Variants in AP1G1 observed in about 807,000 individuals in gnomAD.
AP1G1 encodes the protein adaptor related protein complex 1 subunit gamma 1.
AP1G1 carries 7 observed loss-of-function variants against 108.3 expected under a neutral mutation model. That is an observed-to-expected ratio of 0.06 (90% CI 0.04 to 0.12). The LOEUF (loss-of-function observed/expected upper bound fraction) is 0.12, where lower values mean the gene tolerates loss of function less well. Ranked by LOEUF, AP1G1 falls within the 10% of genes least tolerant of loss-of-function variation. AP1G1 has a pLI of 1.00. For missense variants in AP1G1, 756 were observed against 1,010.7 expected (o/e 0.75, Z 3.42); for synonymous variants, 379 against 353.5 (o/e 1.07, Z -0.81).
chr16:71,737,320 A>G (rs1450171452), intron 21 of AP1G1, among the ~76,000 whole-genome samples: 2 of 151,802 alleles, frequency 1.3e-5, no homozygotes, highest in African/African-American at 4.8e-5. Flanking sequence ...GTCTCACTCT[A>G]TCACCCAGGC....
chr16:71,770,594 C>T (rs2031531999), intron 5 of AP1G1, among the ~76,000 whole-genome samples: 1 of 152,238 alleles, frequency 6.6e-6, no homozygotes, highest in African/African-American at 2.4e-5. Context: ...CCTCCCACTT[C>T]AGCCTCCTGA....
At position 71,734,712 on chromosome 16, in the gene AP1G1, G is replaced by A; in HGVS notation, c.2269-5C>T. 4 of 1,611,572 alleles carry A rather than the reference G, an allele frequency of 2.5e-6. No homozygotes were observed. The highest frequency in any genetic ancestry group is 2.5e-6 in the Non-Finnish European group (3 of 1,177,750). ...CAAGAGCTGCAGCTGGAATGTCTAG[G>A]GGGGAACAAAGGGCACTCTTCAGAA... On this transcript the variant is annotated splice_polypyrimidine_tract_variant and splice_region_variant and intron_variant, in intron 21 of 22. Coordinates refer to ENST00000299980, the MANE Select transcript of AP1G1 (RefSeq NM_001128.6).
At chr16:71,734,451 T>C (rs2045508221) in intron 22 of AP1G1, 158 bp downstream of exon 22, 1 of 633,474 alleles carries the variant, frequency 1.6e-6, no homozygotes, top group African/African-American at 1.8e-5. Context: ...TGGGTTCCAT[T>C]TGTTATTTAC....
chr16:71,740,855 T>C (rs937362147), intron 19 of AP1G1, among the ~76,000 whole-genome samples: 1 of 152,228 alleles, frequency 6.6e-6, no homozygotes, highest in Non-Finnish European at 1.5e-5. Context: ...ACCCTCTTAA[T>C]ATTTTATTTT....
At chr16:71,754,869 G>C (rs1251435481) in intron 12 of AP1G1, among the ~76,000 whole-genome samples, 6 of 152,012 alleles carry the variant, frequency 3.9e-5, no homozygotes, top group Middle Eastern at 6.8e-3. Context: ...ATTGCAATAA[G>C]AGTTGCTAAG....
At chr16:71,736,555 T>A (rs1297444863) in intron 21 of AP1G1, among the ~76,000 whole-genome samples, 80 of 26,978 alleles carry the variant, frequency 3.0e-3, no homozygotes, top group African/African-American at 0.014. Flanking sequence ...TAATTTATTA[T>A]TTATTTATTT....
At chr16:71,795,402 G>C (rs543971092) in intron 1 of AP1G1, among the ~76,000 whole-genome samples, 8 of 152,276 alleles carry the variant, frequency 5.3e-5, no homozygotes, top group South Asian at 2.1e-4. Context: ...AAGCAAATAA[G>C]CAAGACTTCA....
At chr16:71,768,998 A>AAAAC (rs1555554387) in intron 6 of AP1G1, among the ~76,000 whole-genome samples, 1 of 140,240 alleles carries the variant, frequency 7.1e-6, no homozygotes, top group Non-Finnish European at 1.6e-5. Context: ...AAAAAAAAAA[A>AAAAC]CAGGCCAGGA....
intron 21 of AP1G1, among the ~76,000 whole-genome samples, chr16:71,737,038 C>G (rs557953445): frequency 2.6e-5 from 4 of 152,066 alleles, no homozygotes; most frequent in Admixed American, 2.0e-4. Flanking sequence ...GTTGAAGAAA[C>G]TAAATATACT....
At chr16:71,805,733 T>C (rs553964373) in intron 1 of AP1G1, among the ~76,000 whole-genome samples, 3 of 152,320 alleles carry the variant, frequency 2.0e-5, no homozygotes, top group African/African-American at 4.8e-5. Flanking sequence ...CTTTTTAAAT[T>C]TGTATAAATT....
chr16:71,731,567 C>A lies in AP1G1; in HGVS notation c.*1491G>T, dbSNP rs1241653155. The A allele has an allele frequency of 6.6e-6, 1 of 152,544 alleles. No homozygotes were observed. The highest frequency in any genetic ancestry group is 1.5e-5 in the Non-Finnish European group (1 of 68,028). 9.4% of individuals were successfully genotyped at this position (152,544 alleles called of 1,614,324 possible). A position where few individuals can be genotyped will look rare whatever the true frequency, so the allele number is the denominator to read the frequency against. On this transcript the variant is annotated 3_prime_UTR_variant, in exon 23 of 23. Coordinates refer to ENST00000299980, the MANE Select transcript of AP1G1 (RefSeq NM_001128.6). ...TTCTTCAGTATATAAGACATGGCGC[C>A]TGAATACTTGAACATACATAGTACA... is the stretch of plus-strand genomic sequence containing the variant.
chr16:71,779,013 C>T (rs988573063), intron 2 of AP1G1, among the ~76,000 whole-genome samples: 4 of 152,178 alleles, frequency 2.6e-5, no homozygotes, highest in African/African-American at 9.7e-5. Flanking sequence ...CTCTAGCAGA[C>T]GCTTTAATAA....
chr16:71,808,085 C>G (rs565177133), intron 1 of AP1G1: 1 of 1,169,534 alleles, frequency 8.6e-7, no homozygotes, highest in East Asian at 6.1e-5. Context: ...CGAACCGTCC[C>G]GACTCTTTCA....
At chr16:71,804,355 C>T (rs1439585440) in intron 1 of AP1G1, among the ~76,000 whole-genome samples, 1 of 148,558 alleles carries the variant, frequency 6.7e-6, no homozygotes, top group East Asian at 2.1e-4. Context: ...CAACAAAGAT[C>T]ATTTCAAAAC....
intron 3 of AP1G1, 96 bp from the exon 4 acceptor site, chr16:71,773,458 C>T: frequency 8.2e-7 from 1 of 1,225,300 alleles, no homozygotes; most frequent in Non-Finnish European, 1.1e-6. Context: ...AAGATTTCTC[C>T]AATAACAAAA....
chr16:71,787,318 CAAAAAAAAA>C (rs71153662), intron 2 of AP1G1, among the ~76,000 whole-genome samples: 3 of 96,910 alleles, frequency 3.1e-5, no homozygotes, highest in Non-Finnish European at 6.2e-5. Flanking sequence ...GACTCTGTCT[CAAAAAAAAA>C]AAAAAAAAAA....
chr16:71,734,660 T>A lies in AP1G1; in HGVS notation c.2316A>T (p.Ala772=). The A allele has an allele frequency of 6.2e-7, 1 of 1,614,142 alleles. No homozygotes were observed. The highest frequency in any genetic ancestry group is 8.5e-7 in the Non-Finnish European group (1 of 1,179,998). ...CTTGTGTGATGGTCCCCGTGTTAAA[T>A]GCTGGGACAATGCTGCTGCTAGGAG... is the stretch of plus-strand genomic sequence containing the variant. ...LLSPSSSIVP[A]FNTGTITQVI... The change falls in exon 22 of 23, where the codon GCA becomes GCT. Residue 772 remains alanine (A), a synonymous_variant. Transcript: ENST00000299980.
chr16:71,768,356 C>T (rs2031403959), intron 6 of AP1G1, among the ~76,000 whole-genome samples: 1 of 151,040 alleles, frequency 6.6e-6, no homozygotes, highest in African/African-American at 2.4e-5. Flanking sequence ...ACAAAATTAG[C>T]CGGGCATGGT....
At chr16:71,749,701 G>A (rs1183905299) in intron 15 of AP1G1, among the ~76,000 whole-genome samples, 193 bp downstream of exon 15, 1 of 152,008 alleles carries the variant, frequency 6.6e-6, no homozygotes, top group Non-Finnish European at 1.5e-5. Flanking sequence ...ATGTTGCCCA[G>A]GCTGGTCTCA....
Sources: gnomAD v4.1 joint callset for allele counts (sites outside exome capture counted in the v4.1 genomes callset) on GRCh38, gnomAD v4.1.1 for gene constraint, MANE v1.5 for transcripts, NCBI Gene and HGNC (gene_info 2026-07-23, HGNC 2026-07-21) for gene names.